Variants in SGCZ observed in about 807,000 individuals in gnomAD.
SGCZ encodes zeta-sarcoglycan.
Under a neutral mutation model 41.3 loss-of-function variants are expected in SGCZ, and 40 were observed. The observed-to-expected ratio is 0.97, with a 90% CI of 0.75 to 1.26. The LOEUF (loss-of-function observed/expected upper bound fraction) is 1.26. Among genes scored for constraint, SGCZ ranks in the 50% most tolerant of loss-of-function variants. The pLI, the probability that SGCZ is intolerant of heterozygous loss-of-function variation, is 0.00. For synonymous variants in SGCZ, 206 were observed against 137.5 expected, an observed-to-expected ratio of 1.50 and a Z score of -3.49; for missense variants, 552 against 369.8, an observed-to-expected ratio of 1.49 and a Z score of -4.04.
intron 1 of SGCZ, among the ~76,000 whole-genome samples, chr8:14,625,296 G>A (rs1334932071): frequency 6.6e-6 from 1 of 151,970 alleles, no homozygotes; most frequent in African/African-American, 2.4e-5. Context: ...TCTTTCCATG[G>A]ATCATCTAGT....
At chr8:14,533,343 G>T (rs1050627581) in intron 2 of SGCZ, among the ~76,000 whole-genome samples, 25 of 151,974 alleles carry the variant, frequency 1.6e-4, no homozygotes, top group African/African-American at 5.8e-4. Flanking sequence ...TAAAAAAATT[G>T]GACCTTTTCT....
intron 1 of SGCZ, among the ~76,000 whole-genome samples, chr8:14,753,546 G>C (rs1799565232): frequency 6.6e-6 from 1 of 152,160 alleles, no homozygotes; most frequent in Admixed American, 6.5e-5. Context: ...GCCTTCCTTT[G>C]TGCAATTCCC....
chr8:14,423,565 C>T (rs931116970), intron 2 of SGCZ, among the ~76,000 whole-genome samples: 1 of 152,052 alleles, frequency 6.6e-6, no homozygotes, highest in Non-Finnish European at 1.5e-5. Flanking sequence ...TACAGGCATA[C>T]ACCACCATAC....
chr8:14,952,446 T>C (rs1281401852), intron 1 of SGCZ, among the ~76,000 whole-genome samples: 1 of 152,196 alleles, frequency 6.6e-6, no homozygotes, highest in Non-Finnish European at 1.5e-5. Flanking sequence ...TTACTGGTAA[T>C]GCTGCAGTAT....
intron 5 of SGCZ, among the ~76,000 whole-genome samples, chr8:14,149,451 G>A (rs1340562114): frequency 6.6e-6 from 1 of 151,716 alleles, no homozygotes; most frequent in Non-Finnish European, 1.5e-5. Flanking sequence ...TAATTACCTA[G>A]GAATTAACCA....
At chr8:14,314,645 GTGAA>G (rs1369185634) in intron 3 of SGCZ, among the ~76,000 whole-genome samples, 8 of 152,138 alleles carry the variant, frequency 5.3e-5, no homozygotes, top group Non-Finnish European at 1.5e-5. Context: ...CAGTAGGTAA[GTGAA>G]TGGTTTCAGT....
In SGCZ at chr8:14,262,876, G is replaced by A. The variant is rs372923040; in HGVS notation, c.337-25197C>T. On this transcript the variant is annotated intron_variant, in intron 3 of 7. Coordinates refer to ENST00000382080, the MANE Select transcript of SGCZ (RefSeq NM_139167.4). ...AATTAGAAAAAGCAAAATGTGAGAA[G>A]TATAAATCTTATATATTTAAGCACT... is the stretch of plus-strand genomic sequence containing the variant. Among the ~76,000 whole-genome samples the A allele has an allele frequency of 4.7e-5, 7 of 148,248 alleles. No individual in the cohort carries two copies. In the East Asian group the frequency reaches 1.4e-3, roughly 29 times the overall value.
At chr8:15,070,146 C>G (rs772712172) in intron 1 of SGCZ, among the ~76,000 whole-genome samples, 3 of 152,124 alleles carry the variant, frequency 2.0e-5, no homozygotes, top group African/African-American at 4.8e-5. Flanking sequence ...ACCTCAAATT[C>G]TGATGATTAT....
At chr8:14,765,442 C>G (rs1452261530) in intron 1 of SGCZ, among the ~76,000 whole-genome samples, 1 of 152,120 alleles carries the variant, frequency 6.6e-6, no homozygotes, top group Non-Finnish European at 1.5e-5. Context: ...AGACTCATAA[C>G]TGGAGGCCTG....
At chr8:15,139,814 T>C (rs1179008081) in intron 1 of SGCZ, among the ~76,000 whole-genome samples, 2 of 152,178 alleles carry the variant, frequency 1.3e-5, no homozygotes, top group Non-Finnish European at 2.9e-5. Context: ...TGTTATCTAT[T>C]TTTAATTATT....
intron 2 of SGCZ, among the ~76,000 whole-genome samples, chr8:14,515,517 C>G (rs1802594956): frequency 6.6e-6 from 1 of 151,920 alleles, no homozygotes; most frequent in South Asian, 2.1e-4. Context: ...AGTCAAGTAC[C>G]TTATTTCTTT....
chr8:14,691,262 G>C (rs563210106), intron 1 of SGCZ, among the ~76,000 whole-genome samples: 2 of 152,100 alleles, frequency 1.3e-5, no homozygotes, highest in African/African-American at 4.8e-5. Context: ...TACAGACTAC[G>C]TACTCCTGTT....
At chr8:15,057,631 G>C (rs1023306008) in intron 1 of SGCZ, among the ~76,000 whole-genome samples, 3 of 152,066 alleles carry the variant, frequency 2.0e-5, no homozygotes, top group Non-Finnish European at 4.4e-5. Context: ...GTAAAATGAA[G>C]ACTAAAAGAA....
intron 2 of SGCZ, among the ~76,000 whole-genome samples, chr8:14,479,745 T>TTTTTC (rs1801476887): frequency 9.8e-5 from 10 of 102,022 alleles, no homozygotes; most frequent in African/African-American, 3.6e-4. Flanking sequence ...TTTTTTTTTT[T>TTTTTC]TTTTTTTTTT....
chr8:14,923,708 T>A (rs1799660035), intron 1 of SGCZ, among the ~76,000 whole-genome samples: 1 of 152,232 alleles, frequency 6.6e-6, no homozygotes, highest in Non-Finnish European at 1.5e-5. Context: ...TGCTGTTTAG[T>A]CAAAAGCTCA....
chr8:14,750,817 A>G (rs1207904269), intron 1 of SGCZ, among the ~76,000 whole-genome samples: 1 of 152,210 alleles, frequency 6.6e-6, no homozygotes, highest in Admixed American at 6.5e-5. Flanking sequence ...GTTTTGCGAA[A>G]TGCATATTAC....
chr8:15,204,369 G>C (rs995066007), intron 1 of SGCZ, among the ~76,000 whole-genome samples: 1 of 152,148 alleles, frequency 6.6e-6, no homozygotes, highest in African/African-American at 2.4e-5. Context: ...TGAATTAAAG[G>C]TACTTTAGAT....
chr8:14,886,039 T>C (rs1365628831), intron 1 of SGCZ, among the ~76,000 whole-genome samples: 1 of 100,456 alleles, frequency 1.0e-5, no homozygotes, highest in East Asian at 3.7e-4. Flanking sequence ...ATATATAAAA[T>C]TGTATACTTA....
chr8:14,824,457 A>G (rs1332516892), intron 1 of SGCZ, among the ~76,000 whole-genome samples: 1 of 152,090 alleles, frequency 6.6e-6, no homozygotes, highest in East Asian at 1.9e-4. Context: ...AACCAATAAA[A>G]TTCCTCATTG....
Sources: allele counts gnomAD v4.1 joint callset (sites outside exome capture counted in the v4.1 genomes callset), GRCh38; gene constraint gnomAD v4.1.1; transcripts MANE v1.5; gene names NCBI Gene and HGNC (gene_info 2026-07-23, HGNC 2026-07-21).